Variants in TAFA2 observed in about 807,000 individuals in gnomAD.
The protein encoded by TAFA2 is chemokine-like protein TAFA-2.
A neutral mutation model predicts 18.8 loss-of-function variants in TAFA2; 7 were observed. That is an observed-to-expected ratio of 0.37 (90% CI 0.21 to 0.70). The LOEUF (loss-of-function observed/expected upper bound fraction) is 0.70, where lower values mean the gene tolerates loss of function less well. Among genes scored for constraint, TAFA2 ranks in the 30% least tolerant of loss-of-function variants. The pLI is 0.53. For missense variants in TAFA2, 122 were observed against 158.1 expected (o/e 0.77, Z 1.23); for synonymous variants, 60 against 54.2 (o/e 1.11, Z -0.47).
intron 1 of TAFA2, among the ~76,000 whole-genome samples, chr12:62,031,444 G>A (rs549767635): frequency 3.0e-4 from 45 of 152,054 alleles, no homozygotes; most frequent in African/African-American, 1.0e-3. Flanking sequence ...CCTATTGTGG[G>A]ACCCCGTGAT....
intron 1 of TAFA2, among the ~76,000 whole-genome samples, chr12:61,990,383 A>G (rs1879964206): frequency 9.0e-6 from 1 of 111,106 alleles, no homozygotes; most frequent in Non-Finnish European, 1.7e-5. Flanking sequence ...TCTTTTGCCC[A>G]GGCTGGAGTG....
At chr12:62,167,750 T>C (rs1486030279) in intron 1 of TAFA2, among the ~76,000 whole-genome samples, 5 of 152,148 alleles carry the variant, frequency 3.3e-5, no homozygotes, top group Non-Finnish European at 7.4e-5. Flanking sequence ...TCATTCCTAC[T>C]AAAAGGAGCC....
intron 1 of TAFA2, among the ~76,000 whole-genome samples, chr12:61,963,138 G>T (rs996484997): frequency 1.3e-5 from 2 of 151,930 alleles, no homozygotes; most frequent in Non-Finnish European, 2.9e-5. Flanking sequence ...ATGGTCATTT[G>T]GGTTGGTTCC....
At chr12:61,747,253 T>C (rs36134712) in intron 4 of TAFA2, among the ~76,000 whole-genome samples, 2,392 of 147,940 alleles carry the variant, frequency 0.016, 59 homozygotes, top group African/African-American at 0.056. Flanking sequence ...AGGAACACTT[T>C]TACACTGTTG....
chr12:62,028,268 T>C (rs543904938), intron 1 of TAFA2, among the ~76,000 whole-genome samples: 6 of 152,228 alleles, frequency 3.9e-5, no homozygotes, highest in African/African-American at 1.4e-4. Context: ...TTAGGATCAA[T>C]AACCTCGTCT....
At chr12:61,987,404 C>G (rs1427269301) in intron 1 of TAFA2, among the ~76,000 whole-genome samples, 1 of 152,202 alleles carries the variant, frequency 6.6e-6, no homozygotes, top group Non-Finnish European at 1.5e-5. Context: ...TTCTGGTCAA[C>G]TCATCACTGA....
chr12:62,230,479 C>T (rs2062807696), intron 1 of TAFA2, among the ~76,000 whole-genome samples: 1 of 152,046 alleles, frequency 6.6e-6, no homozygotes, highest in Non-Finnish European at 1.5e-5. Flanking sequence ...CTTGATCATT[C>T]AGGAGGATGT....
intron 1 of TAFA2, among the ~76,000 whole-genome samples, chr12:61,982,485 G>C (rs915192051): frequency 1.3e-5 from 2 of 151,908 alleles, no homozygotes; most frequent in African/African-American, 2.4e-5. Context: ...AGGCACAGTG[G>C]CTCACTGTTT....
chr12:62,223,201 C>T (rs1422201885), intron 1 of TAFA2, among the ~76,000 whole-genome samples: 1 of 152,014 alleles, frequency 6.6e-6, no homozygotes, highest in African/African-American at 2.4e-5. Context: ...GACAGGGTCT[C>T]ACTTTGTCAC....
intron 1 of TAFA2, among the ~76,000 whole-genome samples, chr12:62,047,240 A>C (rs1881933859): frequency 6.6e-6 from 1 of 152,140 alleles, no homozygotes; most frequent in South Asian, 2.1e-4. Context: ...AGAAGAAAGA[A>C]GAGCAAACAA....
intron 1 of TAFA2, among the ~76,000 whole-genome samples, chr12:62,025,433 A>C (rs1881280636): frequency 6.6e-6 from 1 of 152,188 alleles, no homozygotes; most frequent in Admixed American, 6.5e-5. Context: ...AAAATTAAAA[A>C]ATAAGCAAAT....
chr12:61,740,274 G>A (rs1868386051), intron 4 of TAFA2, among the ~76,000 whole-genome samples: 2 of 151,914 alleles, frequency 1.3e-5, no homozygotes, highest in Admixed American at 1.3e-4. Context: ...AGTGGGAGTT[G>A]AACAATGAGA....
intron 1 of TAFA2, among the ~76,000 whole-genome samples, chr12:62,000,621 C>T (rs1880347193): frequency 6.8e-6 from 1 of 147,546 alleles, no homozygotes; most frequent in Non-Finnish European, 1.5e-5. Context: ...TATGTGCACA[C>T]ACAAAAAAAT....
intron 1 of TAFA2, among the ~76,000 whole-genome samples, chr12:61,937,944 C>A (rs898111619): frequency 6.6e-6 from 1 of 151,734 alleles, no homozygotes; most frequent in East Asian, 1.9e-4. Context: ...GGAACTCAAA[C>A]AAATCAGCAA....
At chr12:61,964,102 G>GACTTAA (rs1429533236) in intron 1 of TAFA2, among the ~76,000 whole-genome samples, 25 of 152,002 alleles carry the variant, frequency 1.6e-4, no homozygotes, top group African/African-American at 6.0e-4. Flanking sequence ...TTAAACGTAA[G>GACTTAA]ACCTAAAACC....
At chr12:61,838,775 C>T (rs920273598) in intron 2 of TAFA2, among the ~76,000 whole-genome samples, 1 of 151,982 alleles carries the variant, frequency 6.6e-6, no homozygotes, top group African/African-American at 2.4e-5. Context: ...GAGTGAGGGG[C>T]AGCAGAAGAA....
At chr12:61,951,343 A>AAC (rs1878460547) in intron 1 of TAFA2, among the ~76,000 whole-genome samples, 3 of 152,178 alleles carry the variant, frequency 2.0e-5, no homozygotes, top group Admixed American at 2.0e-4. Context: ...CAAAATGGTT[A>AAC]CAATAAAAGA....
chr12:61,775,900 C>T (rs1870238959), intron 2 of TAFA2: 2 of 173,850 alleles, frequency 1.2e-5, no homozygotes, highest in Non-Finnish European at 2.5e-5. Context: ...GCAGGAACTT[C>T]CATACTTCAG....
intron 1 of TAFA2, among the ~76,000 whole-genome samples, chr12:61,887,732 A>G (rs982053706): frequency 2.0e-5 from 3 of 150,416 alleles, no homozygotes; most frequent in African/African-American, 7.3e-5. Flanking sequence ...ATGATTTCCA[A>G]TTTCATCCAT....
Sources: allele counts gnomAD v4.1 joint callset (sites outside exome capture counted in the v4.1 genomes callset), GRCh38; gene constraint gnomAD v4.1.1; transcripts MANE v1.5; gene names NCBI Gene and HGNC (gene_info 2026-07-23, HGNC 2026-07-21).